ADAM18: variants seen among roughly 807,000 people sequenced by gnomAD.
ADAM18 encodes the protein disintegrin and metalloproteinase domain-containing protein 18.
ADAM18 carries 117 observed loss-of-function variants against 94.4 expected under a neutral mutation model. That is an observed-to-expected ratio of 1.24 (90% CI 1.07 to 1.45). ADAM18 has a LOEUF of 1.45. Among genes scored for constraint, ADAM18 ranks in the 40% most tolerant of loss-of-function variants. ADAM18 has a pLI of 0.00. For missense variants in ADAM18, 936 were observed against 880.0 expected, an observed-to-expected ratio of 1.06 and a Z score of -0.81; for synonymous variants, 327 against 291.6, an observed-to-expected ratio of 1.12 and a Z score of -1.24.
intron 17 of ADAM18, among the ~76,000 whole-genome samples, chr8:39,698,221 T>C (rs1263925847): frequency 6.6e-6 from 1 of 151,970 alleles, no homozygotes; most frequent in African/African-American, 2.4e-5. Context: ...CAGCCTTGTA[T>C]TGTGTTCCTG....
At chr8:39,718,920 A>C (rs1009573099) in intron 18 of ADAM18, among the ~76,000 whole-genome samples, 7 of 151,424 alleles carry the variant, frequency 4.6e-5, no homozygotes, top group African/African-American at 1.7e-4. Flanking sequence ...GAAATCTCTA[A>C]ATTTGTTTAT....
intron 12 of ADAM18, among the ~76,000 whole-genome samples, chr8:39,650,768 G>A (rs1056943219): frequency 1.2e-4 from 19 of 152,164 alleles, no homozygotes; most frequent in Non-Finnish European, 8.8e-5. Context: ...CATTTTGCAC[G>A]AAAATAGAGA....
At chr8:39,646,012 T>C (rs976804390) in intron 11 of ADAM18, among the ~76,000 whole-genome samples, 5 of 152,162 alleles carry the variant, frequency 3.3e-5, no homozygotes, top group Non-Finnish European at 7.4e-5. Flanking sequence ...AACATTATTC[T>C]GTGTAATATT....
At position 39,606,343 on chromosome 8, in the gene ADAM18, ACT is replaced by A. The variant is rs1366640124; in HGVS notation, c.172_173del (p.Leu58ThrfsTer18). On this transcript the variant is annotated frameshift_variant, in exon 3 of 20. Transcript: ENST00000265707. LOFTEE classifies it high-confidence loss of function. Reference sequence around the variant, plus strand: ...CATTACAATTGATGGACAACCTTACACTCTACATCTCGGAAAACAGTAAGATA... The same window carrying A: ...CATTACAATTGATGGACAACCTTACACTACATCTCGGAAAACAGTAAGATA... ...YIITIDGQPY[T>X]LHLGKQSFLP... 1.9e-6 allele frequency: 3 copies of A among 1,558,684 alleles called. No homozygotes were observed. Among genetic ancestry groups the A allele is most frequent in the Non-Finnish European group, 1.7e-6 (2 of 1,147,012 alleles).
chr8:39,636,703 C>T (rs966429017), intron 7 of ADAM18, among the ~76,000 whole-genome samples: 1 of 151,884 alleles, frequency 6.6e-6, no homozygotes, highest in East Asian at 1.9e-4. Flanking sequence ...TTGTAGTTCT[C>T]GCTTTGTACA....
At chr8:39,682,781 C>G (rs1237699976) in intron 16 of ADAM18, among the ~76,000 whole-genome samples, 1 of 152,148 alleles carries the variant, frequency 6.6e-6, no homozygotes, top group African/African-American at 2.4e-5. Flanking sequence ...GAAGTATACC[C>G]ATGAACCTAA....
At chr8:39,591,310 C>A (rs1260312310) in intron 2 of ADAM18, among the ~76,000 whole-genome samples, 1 of 152,130 alleles carries the variant, frequency 6.6e-6, no homozygotes, top group Non-Finnish European at 1.5e-5. Flanking sequence ...CTATAGTATG[C>A]AATGCTGTTT....
At chr8:39,636,347 A>G (rs571389242) in intron 7 of ADAM18, among the ~76,000 whole-genome samples, 2 of 152,320 alleles carry the variant, frequency 1.3e-5, no homozygotes, top group South Asian at 4.1e-4. Flanking sequence ...TTAAAATTAC[A>G]GAATCCACTT....
intron 16 of ADAM18, among the ~76,000 whole-genome samples, chr8:39,682,339 G>T (rs1400433952): frequency 6.6e-6 from 1 of 152,192 alleles, no homozygotes; most frequent in East Asian, 1.9e-4. Context: ...ATTCACGGGA[G>T]GTTCACAGTT....
At chr8:39,611,019 T>C in intron 6 of ADAM18, 1 of 1,104,466 alleles carries the variant, frequency 9.1e-7, no homozygotes. Context: ...AAAATTACTT[T>C]TAATATTTTG....
At chr8:39,690,478 A>G (rs1364730177) in intron 16 of ADAM18, among the ~76,000 whole-genome samples, 2 of 152,112 alleles carry the variant, frequency 1.3e-5, no homozygotes, top group Non-Finnish European at 2.9e-5. Context: ...CCTAATTTGG[A>G]CAATTTTATA....
At chr8:39,623,616 A>G (rs1285452870) in intron 6 of ADAM18, among the ~76,000 whole-genome samples, 2 of 151,348 alleles carry the variant, frequency 1.3e-5, no homozygotes, top group East Asian at 3.9e-4. Context: ...TTTTGTTTTG[A>G]GACGGAGTCT....
Position 39,662,757 on chromosome 8 carries a change from T to G in ADAM18, c.1231-1038T>G, listed in dbSNP as rs182003694. Among the ~76,000 whole-genome samples the G allele has an allele frequency of 2.0e-5, 3 of 152,276 alleles. No individual in the cohort carries two copies. The East Asian group carries it at 5.8e-4, about 29-fold the overall frequency. On this transcript the variant is annotated intron_variant, in intron 12 of 19. Transcript: ENST00000265707. Reference sequence around the variant, plus strand: ...CTCTTGCCTCAGCGTCCTGAGTAGCTGGGATTACAGGCACACACCACCACG... The same window carrying G: ...CTCTTGCCTCAGCGTCCTGAGTAGCGGGGATTACAGGCACACACCACCACG...
chr8:39,714,310 G>A (rs931394289), intron 18 of ADAM18, among the ~76,000 whole-genome samples: 3 of 152,022 alleles, frequency 2.0e-5, no homozygotes, highest in Admixed American at 6.6e-5. Context: ...ACTGGGTGAG[G>A]GATAGCATTA....
intron 2 of ADAM18, among the ~76,000 whole-genome samples, chr8:39,597,751 G>A (rs1336073930): frequency 2.6e-5 from 4 of 152,086 alleles, no homozygotes; most frequent in Non-Finnish European, 5.9e-5. Context: ...GTATTGTGTT[G>A]TGTTGCCTGT....
At chr8:39,607,972 A>G (rs1819143170) in intron 3 of ADAM18, among the ~76,000 whole-genome samples, 1 of 152,078 alleles carries the variant, frequency 6.6e-6, no homozygotes, top group South Asian at 2.1e-4. Flanking sequence ...GTTGATAACC[A>G]AGTATTTACT....
At chr8:39,653,957 C>T (rs1404710872) in intron 12 of ADAM18, among the ~76,000 whole-genome samples, 1 of 151,892 alleles carries the variant, frequency 6.6e-6, no homozygotes, top group East Asian at 1.9e-4. Context: ...ACCCATTAAC[C>T]AACTTCTATT....
intron 18 of ADAM18, among the ~76,000 whole-genome samples, chr8:39,716,418 G>C (rs1486521272): frequency 1.3e-5 from 2 of 151,868 alleles, no homozygotes; most frequent in African/African-American, 4.8e-5. Flanking sequence ...CATTTGTCTT[G>C]AGGTATTTGT....
chr8:39,710,493 G>T (rs1822365745), intron 18 of ADAM18, among the ~76,000 whole-genome samples: 1 of 152,078 alleles, frequency 6.6e-6, no homozygotes, highest in Non-Finnish European at 1.5e-5. Flanking sequence ...TGAATCTCAG[G>T]CAAGATAAAT....
Sources: allele counts gnomAD v4.1 joint callset (sites outside exome capture counted in the v4.1 genomes callset), GRCh38; gene constraint gnomAD v4.1.1; transcripts MANE v1.5; gene names NCBI Gene and HGNC (gene_info 2026-07-23, HGNC 2026-07-21).